ONECUT3: variants seen among roughly 807,000 people sequenced by gnomAD.
ONECUT3 encodes one cut domain family member 3.
A neutral mutation model predicts 16.8 loss-of-function variants in ONECUT3; 11 were observed. The observed-to-expected ratio is 0.66, with a 90% CI of 0.41 to 1.09. The LOEUF (loss-of-function observed/expected upper bound fraction) is 1.09. Among genes scored for constraint, ONECUT3 ranks in the 50% least tolerant of loss-of-function variants. The pLI, the probability that ONECUT3 is intolerant of heterozygous loss-of-function variation, is 0.00. For synonymous variants in ONECUT3, 344 were observed against 310.7 expected (o/e 1.11, Z -1.13); for missense variants, 637 against 629.9 (o/e 1.01, Z -0.12).
chr19:1,759,919 C>T lies in ONECUT3; in HGVS notation c.1192+5065C>T, dbSNP rs2067937189. 6.6e-6 allele frequency among the ~76,000 whole-genome samples: 1 copy of T among 152,112 alleles called. No individual in the cohort carries two copies. Among genetic ancestry groups the T allele is most frequent in the Non-Finnish European group, 1.5e-5 (1 of 68,012 alleles). ...GGGGCTGCGCGCGAGACTCAGGTGA[C>T]TCTGGTGCCCCCACACCAGCACCCT... On this transcript the variant is annotated intron_variant, in intron 1 of 1. Coordinates refer to ENST00000382349, the MANE Select transcript of ONECUT3 (RefSeq NM_001080488.2). The surrounding 1 kb of genome is among the most constrained non-coding windows in gnomAD (Gnocchi z 4.1).
Position 1,764,469 on chromosome 19 carries a change from C to A in ONECUT3, c.1192+9615C>A, listed in dbSNP as rs1025083249. 2.6e-5 allele frequency among the ~76,000 whole-genome samples: 4 copies of A among 152,000 alleles called. No homozygotes were observed. Among genetic ancestry groups the A allele is most frequent in the Non-Finnish European group, 4.4e-5 (3 of 67,992 alleles). ...GGGTGGGGACAAGAGGGAGGCTGGG[C>A]GCCTGCTGAGGCCAAGGTGGGCTCC... is the stretch of plus-strand genomic sequence containing the variant. On this transcript the variant is annotated intron_variant, in intron 1 of 1. Transcript: ENST00000382349. This position sits in a 1 kb window ranked among gnomAD's most constrained non-coding sequence, Gnocchi z 5.0.
intron 1 of ONECUT3, among the ~76,000 whole-genome samples, chr19:1,768,570 C>G (rs2068015821): frequency 6.6e-6 from 1 of 152,192 alleles, no homozygotes; most frequent in Non-Finnish European, 1.5e-5. Flanking sequence ...CCCCACTCCT[C>G]CGCCAGCTTG....
chr19:1,757,885 C>T (rs1215795877), intron 1 of ONECUT3, among the ~76,000 whole-genome samples: 1 of 152,226 alleles, frequency 6.6e-6, no homozygotes, highest in Non-Finnish European at 1.5e-5. Context: ...CCCGCCCCCG[C>T]ACCATTTCAA....
At position 1,759,126 on chromosome 19, in the gene ONECUT3, C is replaced by A. The variant is rs752479300; in HGVS notation, c.1192+4272C>A. ...TGGGATGCTTTGCCCTTAAGCAGAACGAAGTGTCCTAGGGACAAAAACCAG... is the reference window on the plus strand; with the variant it reads ...TGGGATGCTTTGCCCTTAAGCAGAAAGAAGTGTCCTAGGGACAAAAACCAG... On this transcript the variant is annotated intron_variant, in intron 1 of 1. Coordinates refer to ENST00000382349, the MANE Select transcript of ONECUT3 (RefSeq NM_001080488.2). This position sits in a 1 kb window ranked among gnomAD's most constrained non-coding sequence, Gnocchi z 4.1. Among the ~76,000 whole-genome samples the A allele has an allele frequency of 6.6e-6, 1 of 152,012 alleles. No homozygotes were observed. The highest frequency in any genetic ancestry group is 1.5e-5 in the Non-Finnish European group (1 of 68,008).
At position 1,775,227 on chromosome 19, in the gene ONECUT3, G is replaced by C; in HGVS notation, c.1267G>C (p.Asp423His). The change falls in exon 2 of 2, where the codon GAC (aspartate) becomes CAC (histidine). Residue 423 changes from aspartate (D) to histidine (H), a missense_variant. By Grantham distance (81) the Asp-to-His change is moderately conservative. Coordinates refer to ENST00000382349, the MANE Select transcript of ONECUT3 (RefSeq NM_001080488.2). ...QPKKQRLVFTDLQRRTLIAIF... is the reference protein window; with the variant it reads ...QPKKQRLVFTHLQRRTLIAIF... ...CAAGAAGCAGCGCCTGGTGTTCACC[G>C]ACCTGCAGCGACGCACGCTGATCGC... The C allele has an allele frequency of 6.3e-7, 1 of 1,575,166 alleles. No homozygotes were observed.
chr19:1,754,701 C>A lies in ONECUT3; in HGVS notation c.1039C>A (p.Arg347=), dbSNP rs752871439. Residue 347 remains arginine (R), a synonymous_variant, in exon 1 of 2, where the codon CGG becomes AGG. Transcript: ENST00000382349. The surrounding 1 kb of genome is among the most constrained non-coding windows in gnomAD (Gnocchi z 7.4). ...CATCCCGCAGGCAATCTTCGCGCAG[C>A]GGATCCTGTGTCGCTCTCAGGGCAC... ...YSIPQAIFAQ[R]ILCRSQGTLS... 2.6e-6 allele frequency: 4 copies of A among 1,538,104 alleles called. No individual in the cohort carries two copies. The highest frequency in any genetic ancestry group is 2.0e-5 in the Admixed American group (1 of 49,596).
Position 1,779,921 on chromosome 19 carries a change from C to T in ONECUT3, c.*4476C>T, listed in dbSNP as rs942512915. ...CTGCCTGCCCCAGCCAGGCGGGAGC[C>T]ACCGAGCGTCCCCCCCTCAGTTCCT... On this transcript the variant is annotated 3_prime_UTR_variant, in exon 2 of 2. Coordinates refer to ENST00000382349, the MANE Select transcript of ONECUT3 (RefSeq NM_001080488.2). 4 of 152,126 alleles carry T rather than the reference C, an allele frequency of 2.6e-5. No individual in the cohort carries two copies. The highest frequency in any genetic ancestry group is 9.7e-5 in the African/African-American group (4 of 41,384). The allele number at this position is 152,126 out of a possible 1,614,324, so 9.4% of individuals were successfully genotyped here. A position where few individuals can be genotyped will look rare whatever the true frequency, so the allele number is the denominator to read the frequency against.
Position 1,762,672 on chromosome 19 carries a change from T to TGG in ONECUT3, c.1192+7819_1192+7820dup. Among the ~76,000 whole-genome samples, 1 of 152,350 alleles carries TGG rather than the reference T, an allele frequency of 6.6e-6. No individual in the cohort carries two copies. Among genetic ancestry groups the TGG allele is most frequent in the East Asian group, 1.9e-4 (1 of 5,182 alleles). ...ACCCGGGACCACGCGCCCGCGGCCT[T>TGG]GGAGCCTCAGGGTCACTGGTGCGGG... On this transcript the variant is annotated intron_variant, in intron 1 of 1. Transcript: ENST00000382349. This position sits in a 1 kb window ranked among gnomAD's most constrained non-coding sequence, Gnocchi z 4.4.
rs1311572173 is a variant in ONECUT3 at position 1,764,162 on chromosome 19, G to T, written c.1192+9308G>T. Among the ~76,000 whole-genome samples, 1 of 152,128 alleles carries T rather than the reference G, an allele frequency of 6.6e-6. No individual in the cohort carries two copies. On this transcript the variant is annotated intron_variant, in intron 1 of 1. Coordinates refer to ENST00000382349, the MANE Select transcript of ONECUT3 (RefSeq NM_001080488.2). The surrounding 1 kb of genome is among the most constrained non-coding windows in gnomAD (Gnocchi z 5.0). ...TTTTTTTTAAAAATCAACGCCTTGT[G>T]CGTGCGTGTGTTTGCCCACTGGCTT...
At chr19:1,765,163 G>C (rs900400258) in intron 1 of ONECUT3, among the ~76,000 whole-genome samples, 3 of 152,160 alleles carry the variant, frequency 2.0e-5, no homozygotes, top group Non-Finnish European at 2.9e-5. Flanking sequence ...GCATTGCCCA[G>C]CTGGTCTCCA....
chr19:1,763,732 G>GT (rs35077722), intron 1 of ONECUT3, among the ~76,000 whole-genome samples: 15,774 of 134,450 alleles, frequency 0.12, 1,072 homozygotes, highest in East Asian at 0.28. Context: ...TCCCTTTTTT[G>GT]TTTTTTTTTT....
rs373095220 is a variant in ONECUT3, at chr19:1,780,526, AG to A, written c.*5089del. The A allele has an allele frequency of 1.1e-4, 16 of 148,528 alleles. No individual in the cohort carries two copies. Among genetic ancestry groups the A allele is most frequent in the Middle Eastern group, 3.4e-3 (1 of 292 alleles). 9.2% of individuals were successfully genotyped at this position (148,528 alleles called of 1,614,324 possible). ...GGCCGCTTTTGGGACAGGCCCCAGT[AG>A]GGGGGGGCGGGGTAGCTAAACGGGG... On this transcript the variant is annotated 3_prime_UTR_variant, in exon 2 of 2. Coordinates refer to ENST00000382349, the MANE Select transcript of ONECUT3 (RefSeq NM_001080488.2).
chr19:1,768,891 T>A (rs1156619954), intron 1 of ONECUT3, among the ~76,000 whole-genome samples: 1 of 128,980 alleles, frequency 7.8e-6, no homozygotes, highest in East Asian at 2.5e-4. Context: ...GTGGAGGTGG[T>A]GGAGGTGGAG....
intron 1 of ONECUT3, among the ~76,000 whole-genome samples, chr19:1,768,174 G>T (rs1264511485): frequency 6.6e-6 from 1 of 152,010 alleles, no homozygotes; most frequent in Non-Finnish European, 1.5e-5. Context: ...GTTGTAAAAA[G>T]AAGGGGTGTG....
Position 1,758,712 on chromosome 19 carries a change from G to T in ONECUT3, c.1192+3858G>T, listed in dbSNP as rs2067930808. On this transcript the variant is annotated intron_variant, in intron 1 of 1. Coordinates refer to ENST00000382349, the MANE Select transcript of ONECUT3 (RefSeq NM_001080488.2). This position sits in a 1 kb window ranked among gnomAD's most constrained non-coding sequence, Gnocchi z 5.9. ...GTCCCGCACTTCGGAGCTGCCTCCT[G>T]GTCAAAGCTCTCCCCTGGCGCCGTC... Among the ~76,000 whole-genome samples the T allele has an allele frequency of 6.6e-6, 1 of 151,556 alleles. No individual in the cohort carries two copies. Among genetic ancestry groups the T allele is most frequent in the Non-Finnish European group, 1.5e-5 (1 of 67,860 alleles).
chr19:1,767,685 C>T (rs2068005561), intron 1 of ONECUT3, among the ~76,000 whole-genome samples: 1 of 152,218 alleles, frequency 6.6e-6, no homozygotes, highest in South Asian at 2.1e-4. Flanking sequence ...ATCCCCGGGA[C>T]CTCCCCGCCC....
rs1233318165 is a variant in ONECUT3 at position 1,776,915 on chromosome 19, CA to C, written c.*1473del. On this transcript the variant is annotated 3_prime_UTR_variant, in exon 2 of 2. Transcript: ENST00000382349. The surrounding 1 kb of genome is among the most constrained non-coding windows in gnomAD (Gnocchi z 4.9). ...GTGATTGGAAAATCACGCCTGATAC[CA>C]AAGATTTCTCCCAAGGATTTGTGCT... is the stretch of plus-strand genomic sequence containing the variant. 6.6e-6 allele frequency: 1 copy of C among 152,126 alleles called. No individual in the cohort carries two copies. The highest frequency in any genetic ancestry group is 1.5e-5 in the Non-Finnish European group (1 of 68,028). 9.4% of individuals were successfully genotyped at this position (152,126 alleles called of 1,614,324 possible).
Position 1,762,922 on chromosome 19 carries a change from T to C in ONECUT3, c.1192+8068T>C, listed in dbSNP as rs1439008563. 6.6e-6 allele frequency among the ~76,000 whole-genome samples: 1 copy of C among 152,214 alleles called. No individual in the cohort carries two copies. Among genetic ancestry groups the C allele is most frequent in the Non-Finnish European group, 1.5e-5 (1 of 68,032 alleles). ...GTTTTTGCTCCCTGGTTCCCTAAAA[T>C]ATTCTACATTCTTTTGGCCCGGCGG... On this transcript the variant is annotated intron_variant, in intron 1 of 1. Transcript: ENST00000382349. The surrounding 1 kb of genome is among the most constrained non-coding windows in gnomAD (Gnocchi z 4.4).
intron 1 of ONECUT3, among the ~76,000 whole-genome samples, chr19:1,772,972 G>A (rs1600359777): frequency 6.6e-6 from 1 of 151,302 alleles, no homozygotes; most frequent in Admixed American, 6.6e-5. Flanking sequence ...CAAAGTGCTG[G>A]GATTACAGGC....
Sources: gnomAD v4.1 joint callset for allele counts (sites outside exome capture counted in the v4.1 genomes callset) on GRCh38, gnomAD v4.1.1 for gene constraint, Gnocchi (gnomAD v3.1) non-coding constraint, MANE v1.5 for transcripts, NCBI Gene and HGNC (gene_info 2026-07-23, HGNC 2026-07-21) for gene names.